NRG3: variants seen among roughly 807,000 people sequenced by gnomAD.
The protein encoded by NRG3 is neuregulin 3.
NRG3 carries 31 observed loss-of-function variants against 66.9 expected under a neutral mutation model. The observed-to-expected ratio is 0.46, with a 90% confidence interval of 0.35 to 0.63. The LOEUF is 0.63. Ranked by LOEUF, NRG3 falls within the 20% of genes least tolerant of loss-of-function variation. The probability of loss-of-function intolerance (pLI) is 0.00; values close to 1 mark genes in which losing one functional copy is unlikely to be tolerated. For synonymous variants in NRG3, 393 were observed against 359.4 expected, an observed-to-expected ratio of 1.09 and a Z score of -1.06; for missense variants, 910 against 878.9, an observed-to-expected ratio of 1.04 and a Z score of -0.45.
intron 3 of NRG3, among the ~76,000 whole-genome samples, chr10:82,761,977 C>CT (rs1256899638): frequency 3.6e-4 from 24 of 65,842 alleles, no homozygotes; most frequent in African/African-American, 7.8e-4. Flanking sequence ...TCTTTCTTTT[C>CT]TTTCTTTCTT....
intron 8 of NRG3, among the ~76,000 whole-genome samples, chr10:82,980,495 A>G (rs1197934382): frequency 1.3e-5 from 2 of 152,152 alleles, no homozygotes; most frequent in Admixed American, 6.5e-5. Context: ...CCAGGTTTCT[A>G]TGCTGCTTTG....
intron 3 of NRG3, among the ~76,000 whole-genome samples, chr10:82,824,225 G>C (rs2062081423): frequency 6.6e-6 from 1 of 151,982 alleles, no homozygotes; most frequent in East Asian, 1.9e-4. Context: ...TATTTTTATT[G>C]TCAAATAATA....
At chr10:82,413,488 C>A (rs1184679604) in intron 2 of NRG3, among the ~76,000 whole-genome samples, 1 of 152,114 alleles carries the variant, frequency 6.6e-6, no homozygotes, top group Non-Finnish European at 1.5e-5. Context: ...TAACATAATT[C>A]TTAATGACCT....
chr10:82,869,267 T>C (rs1440872271), intron 4 of NRG3, among the ~76,000 whole-genome samples: 1 of 152,200 alleles, frequency 6.6e-6, no homozygotes, highest in Admixed American at 6.5e-5. Flanking sequence ...ATTACAGAGA[T>C]TTCTCACGTA....
chr10:82,377,466 G>A (rs577226851), intron 2 of NRG3, among the ~76,000 whole-genome samples: 17 of 151,994 alleles, frequency 1.1e-4, no homozygotes, highest in East Asian at 5.8e-4. Context: ...GTGCGCGAGC[G>A]CACATGCGTG....
intron 2 of NRG3, among the ~76,000 whole-genome samples, chr10:82,530,405 A>G (rs1205850541): frequency 6.6e-6 from 1 of 151,996 alleles, no homozygotes; most frequent in Non-Finnish European, 1.5e-5. Context: ...AGAAAAACTA[A>G]TGCTTATTAT....
At chr10:82,342,282 C>T (rs2082724349) in intron 1 of NRG3, among the ~76,000 whole-genome samples, 1 of 151,988 alleles carries the variant, frequency 6.6e-6, no homozygotes, top group African/African-American at 2.4e-5. Flanking sequence ...TGGGTATATA[C>T]TCAGAAGTGG....
intron 2 of NRG3, among the ~76,000 whole-genome samples, chr10:82,489,640 G>C (rs796115361): frequency 2.0e-5 from 3 of 152,120 alleles, no homozygotes; most frequent in South Asian, 4.1e-4. Context: ...TGTGCAGAAG[G>C]CATCCATTTT....
chr10:82,801,741 T>C (rs1208655408), intron 3 of NRG3, among the ~76,000 whole-genome samples: 1 of 152,222 alleles, frequency 6.6e-6, no homozygotes, highest in Non-Finnish European at 1.5e-5. Flanking sequence ...ACGCAGAATT[T>C]CTTGGGAGAG....
chr10:82,186,987 C>T (rs1393390832), intron 1 of NRG3, among the ~76,000 whole-genome samples: 3 of 152,184 alleles, frequency 2.0e-5, no homozygotes, highest in Non-Finnish European at 4.4e-5. Flanking sequence ...AGCTATCTTA[C>T]CTGATCTTAC....
chr10:82,756,119 T>C (rs1262632231), intron 3 of NRG3, among the ~76,000 whole-genome samples: 1 of 152,040 alleles, frequency 6.6e-6, no homozygotes, highest in African/African-American at 2.4e-5. Flanking sequence ...GGATCAGATC[T>C]CAGGCCAAAG....
At chr10:82,678,998 G>T (rs964693048) in intron 2 of NRG3, among the ~76,000 whole-genome samples, 6 of 152,160 alleles carry the variant, frequency 3.9e-5, no homozygotes. Context: ...AGACATTGTT[G>T]TTAGACCTGG....
intron 1 of NRG3, among the ~76,000 whole-genome samples, chr10:82,209,718 A>G (rs1564666288): frequency 1.3e-5 from 2 of 152,116 alleles, no homozygotes; most frequent in Admixed American, 6.6e-5. Context: ...TTAGGAATGT[A>G]CTTTTCTTTA....
chr10:82,223,252 C>T (rs2076021060), intron 1 of NRG3, among the ~76,000 whole-genome samples: 1 of 152,156 alleles, frequency 6.6e-6, no homozygotes, highest in Non-Finnish European at 1.5e-5. Context: ...GCCGGAGAGC[C>T]AACCAAGGGT....
chr10:81,987,076 G>T (rs1295707726), intron 1 of NRG3, among the ~76,000 whole-genome samples: 3 of 129,732 alleles, frequency 2.3e-5, no homozygotes, highest in Non-Finnish European at 4.6e-5. Context: ...TAGTGTGTGT[G>T]TGTGCATTTT....
chr10:82,320,706 G>A (rs1434056061), intron 1 of NRG3, among the ~76,000 whole-genome samples: 1 of 152,108 alleles, frequency 6.6e-6, no homozygotes, highest in Non-Finnish European at 1.5e-5. Flanking sequence ...CCTGTGATAT[G>A]GACAACACAT....
chr10:82,713,031 A>G (rs2056764636), intron 2 of NRG3, among the ~76,000 whole-genome samples: 1 of 149,628 alleles, frequency 6.7e-6, no homozygotes, highest in Non-Finnish European at 1.5e-5. Context: ...GAGGCAGGAG[A>G]ATCACTTGAA....
In NRG3 at chr10:82,142,024, C is replaced by T. The variant is rs12217406; in HGVS notation, c.824-216715C>T. On this transcript the variant is annotated intron_variant, in intron 1 of 8. Transcript: ENST00000372141. ...CTTCAAGAGCATATTTTAAAAGCAC[C>T]CTGTCAGACCCCATGAATACACACT... Among the ~76,000 whole-genome samples, 74 of 152,152 alleles carry T rather than the reference C, an allele frequency of 4.9e-4. No individual in the cohort carries two copies. In the East Asian group the frequency reaches 0.014, roughly 29 times the overall value.
intron 1 of NRG3, among the ~76,000 whole-genome samples, chr10:81,972,447 T>C (rs558272000): frequency 6.6e-6 from 1 of 151,806 alleles, no homozygotes; most frequent in South Asian, 2.1e-4. Flanking sequence ...AAAAATTAAG[T>C]ACAAAGAAGA....
Sources: gnomAD v4.1 joint callset for allele counts (sites outside exome capture counted in the v4.1 genomes callset) on GRCh38, gnomAD v4.1.1 for gene constraint, MANE v1.5 for transcripts, NCBI Gene and HGNC (gene_info 2026-07-23, HGNC 2026-07-21) for gene names.